Variants in CYSLTR2 observed in about 807,000 individuals in gnomAD.
CYSLTR2 encodes G-protein coupled receptor GPCR21.
For synonymous variants in CYSLTR2, 179 were observed against 160.8 expected, an observed-to-expected ratio of 1.11 and a Z score of -0.86; for missense variants, 398 against 411.9, an observed-to-expected ratio of 0.97 and a Z score of 0.29.
intron 1 of CYSLTR2, among the ~76,000 whole-genome samples, chr13:48,665,298 G>A (rs1456154400): frequency 1.3e-5 from 2 of 152,080 alleles, no homozygotes; most frequent in Non-Finnish European, 2.9e-5. Context: ...TGCAGCTGTT[G>A]GGTGAAATGT....
intron 3 of CYSLTR2, chr13:48,694,614 A>C (rs1403186978): frequency 6.6e-6 from 1 of 152,212 alleles, no homozygotes; most frequent in African/African-American, 2.4e-5. Context: ...GTACTTGCTT[A>C]AGGCAGCAAG....
intron 4 of CYSLTR2, among the ~76,000 whole-genome samples, chr13:48,703,476 G>A (rs1954403207): frequency 6.6e-6 from 1 of 152,148 alleles, no homozygotes; most frequent in South Asian, 2.1e-4. Context: ...TCTTTATCAA[G>A]TTGAGGAAGT....
chr13:48,677,152 G>C (rs1953619201), intron 1 of CYSLTR2, among the ~76,000 whole-genome samples: 1 of 152,152 alleles, frequency 6.6e-6, no homozygotes, highest in South Asian at 2.1e-4. Context: ...AGGTTTCAAA[G>C]ACATGAGAAT....
intron 1 of CYSLTR2, among the ~76,000 whole-genome samples, chr13:48,673,433 C>CTTTTTTTTTTTTTTTTTTTTTTTTTTTTT (rs61699943): frequency 4.1e-5 from 2 of 48,276 alleles, no homozygotes. Flanking sequence ...GTAACCCCGG[C>CTTTTTTTTTTTTTTTTTTTTTTTTTTTTT]TTTTTTTTTT....
Position 48,709,367 on chromosome 13 carries a change from ATCCC to A in CYSLTR2, c.*1510_*1513del. ...AAGTCAGTCATCATACTAAACAAAA[ATCCC>A]AGTACCCTTTCCTTATTTAGCTACC... On this transcript the variant is annotated 3_prime_UTR_variant, in exon 5 of 5. Coordinates refer to ENST00000682523, the MANE Select transcript of CYSLTR2 (RefSeq NM_001308476.3). 1 of 167,222 alleles carries A rather than the reference ATCCC, an allele frequency of 6.0e-6. No individual in the cohort carries two copies. The highest frequency in any genetic ancestry group is 2.4e-5 in the African/African-American group (1 of 41,594). 10.4% of individuals were successfully genotyped at this position (167,222 alleles called of 1,614,324 possible).
chr13:48,659,697 T>C (rs1434536227), intron 1 of CYSLTR2, among the ~76,000 whole-genome samples: 1 of 152,196 alleles, frequency 6.6e-6, no homozygotes, highest in Non-Finnish European at 1.5e-5. Context: ...CAGGACAATG[T>C]TTCTATGATA....
Position 48,707,793 on chromosome 13 carries a change from C to T in CYSLTR2, c.976C>T (p.Gln326Ter), listed in dbSNP as rs1954544664. Reference protein sequence around the residue: ...LKSALRKGHPQKAKTKCVFPV... With the variant: ...LKSALRKGHP ...GTCTGCACTCAGAAAAGGCCATCCA[C>T]AGAAGGCAAAGACAAAGTGTGTTTT... is the stretch of plus-strand genomic sequence containing the variant. The change falls in exon 5 of 5, where the codon CAG (glutamine) becomes TAG (stop). Residue 326 changes from glutamine to a stop codon, truncating the protein, a stop_gained. Coordinates refer to ENST00000682523, the MANE Select transcript of CYSLTR2 (RefSeq NM_001308476.3). LOFTEE classifies it low-confidence loss of function (END_TRUNC). 2 of 1,563,242 alleles carry T rather than the reference C, an allele frequency of 1.3e-6. No homozygotes were observed. The highest frequency in any genetic ancestry group is 1.7e-6 in the Non-Finnish European group (2 of 1,156,076).
At chr13:48,657,296 T>C (rs1953020978) in intron 1 of CYSLTR2, among the ~76,000 whole-genome samples, 1 of 152,208 alleles carries the variant, frequency 6.6e-6, no homozygotes. Context: ...AATCTAGTTA[T>C]TATTCGAGAG....
chr13:48,690,247 T>C (rs777116922), intron 1 of CYSLTR2, among the ~76,000 whole-genome samples: 5 of 152,158 alleles, frequency 3.3e-5, no homozygotes. Context: ...CCTTTATTTC[T>C]TTCTCTTGCC....
chr13:48,695,090 T>TTG (rs1954139803), intron 3 of CYSLTR2, among the ~76,000 whole-genome samples: 1 of 126,652 alleles, frequency 7.9e-6, no homozygotes, highest in African/African-American at 3.4e-5. Context: ...TTTTTTTTTT[T>TTG]TTTTGTCAGA....
chr13:48,684,113 C>CGG lies in CYSLTR2; in HGVS notation c.-265-7092_-265-7091dup, dbSNP rs367983021. On this transcript the variant is annotated intron_variant, in intron 1 of 4. Coordinates refer to ENST00000682523, the MANE Select transcript of CYSLTR2 (RefSeq NM_001308476.3). ...TTTTTAAATTACTTTTTGTAGAGATCGGGGGGGGTCTCACTATGTTGGCCA... is the reference window on the plus strand; with the variant it reads ...TTTTTAAATTACTTTTTGTAGAGATCGGGGGGGGGGTCTCACTATGTTGGCCA... Among the ~76,000 whole-genome samples the CGG allele has an allele frequency of 3.3e-5, 5 of 151,324 alleles. No homozygotes were observed. In the East Asian group the frequency reaches 5.9e-4, roughly 18 times the overall value.
chr13:48,670,290 C>T (rs777578656), intron 1 of CYSLTR2, among the ~76,000 whole-genome samples: 2 of 152,202 alleles, frequency 1.3e-5, no homozygotes, highest in Admixed American at 6.5e-5. Context: ...AATTAGATCC[C>T]ATTTGTCAAT....
Position 48,707,471 on chromosome 13 carries a change from C to G in CYSLTR2, c.654C>G (p.Ser218Arg). ...VGCLLPFFTL[S>R]ICYLLIIRVL... Reference sequence around the variant, plus strand: ...GCCTGCTGCCATTTTTCACACTCAGCATCTGTTATCTGCTGATCATTCGGG... The same window carrying G: ...GCCTGCTGCCATTTTTCACACTCAGGATCTGTTATCTGCTGATCATTCGGG... Residue 218 changes from serine (S) to arginine (R), a missense_variant, in exon 5 of 5, where the codon AGC (serine) becomes AGG (arginine). By Grantham distance (110) the Ser-to-Arg change is moderately radical. Coordinates refer to ENST00000682523, the MANE Select transcript of CYSLTR2 (RefSeq NM_001308476.3). The G allele has an allele frequency of 6.2e-7, 1 of 1,613,648 alleles. No individual in the cohort carries two copies. Among genetic ancestry groups the G allele is most frequent in the Non-Finnish European group, 8.5e-7 (1 of 1,180,026 alleles).
intron 4 of CYSLTR2, among the ~76,000 whole-genome samples, chr13:48,705,347 T>C (rs996023927): frequency 1.3e-5 from 2 of 152,154 alleles, no homozygotes; most frequent in Non-Finnish European, 2.9e-5. Flanking sequence ...AATTCGGTCA[T>C]TTAAAAAATA....
chr13:48,677,331 G>GA (rs1220162812), intron 1 of CYSLTR2, among the ~76,000 whole-genome samples: 1 of 152,000 alleles, frequency 6.6e-6, no homozygotes, highest in African/African-American at 2.4e-5. Context: ...TTAGGAAGAA[G>GA]ATAATGACCA....
intron 1 of CYSLTR2, among the ~76,000 whole-genome samples, chr13:48,689,403 T>G (rs1257455822): frequency 6.6e-6 from 1 of 152,232 alleles, no homozygotes; most frequent in East Asian, 1.9e-4. Context: ...CATTTAAGTC[T>G]TTAATCCATC....
intron 1 of CYSLTR2, among the ~76,000 whole-genome samples, chr13:48,660,727 C>A (rs9562837): frequency 0.19 from 28,888 of 152,124 alleles, 3,268 homozygotes; most frequent in South Asian, 0.27. Flanking sequence ...TCTTGGAAGG[C>A]CAGGAAGGTC....
chr13:48,689,554 G>A (rs144159243), intron 1 of CYSLTR2, among the ~76,000 whole-genome samples: 1 of 152,250 alleles, frequency 6.6e-6, no homozygotes, highest in East Asian at 1.9e-4. Flanking sequence ...TCAAAGATCA[G>A]ATGGTTGTAG....
intron 4 of CYSLTR2, among the ~76,000 whole-genome samples, chr13:48,703,321 C>A (rs1358638422): frequency 3.9e-5 from 6 of 152,010 alleles, no homozygotes; most frequent in African/African-American, 1.4e-4. Context: ...TGTGTTTTTG[C>A]CTCATTTCAC....
Sources: allele counts gnomAD v4.1 joint callset (sites outside exome capture counted in the v4.1 genomes callset), GRCh38; gene constraint gnomAD v4.1.1; transcripts MANE v1.5; gene names NCBI Gene and HGNC (gene_info 2026-07-23, HGNC 2026-07-21).